CHL1: variants seen among roughly 807,000 people sequenced by gnomAD.
CHL1 encodes the protein cell adhesion molecule L1 like, also known as neural cell adhesion molecule L1-like protein.
In CHL1, 96 loss-of-function variants were observed where a neutral mutation model predicts 141.9. The observed-to-expected ratio is 0.68, with a 90% CI of 0.57 to 0.80. The LOEUF is 0.80. Ranked by LOEUF, CHL1 falls within the 30% of genes least tolerant of loss-of-function variation. The pLI is 0.00. For missense variants in CHL1, 1,820 were observed against 1,457.2 expected, an observed-to-expected ratio of 1.25 and a Z score of -4.05; for synonymous variants, 613 against 502.2, an observed-to-expected ratio of 1.22 and a Z score of -2.95.
chr3:309,715 A>G (rs879745819), intron 2 of CHL1, among the ~76,000 whole-genome samples: 15 of 151,972 alleles, frequency 9.9e-5, no homozygotes, highest in African/African-American at 1.7e-4. Flanking sequence ...GGGCCTCACT[A>G]TGTTGCCCAA....
intron 2 of CHL1, among the ~76,000 whole-genome samples, chr3:252,363 T>G (rs1275476351): frequency 1.0e-5 from 1 of 100,414 alleles, no homozygotes; most frequent in Admixed American, 9.5e-5. Context: ...AGCATCCAGA[T>G]ATATATATAT....
chr3:360,485 T>C (rs1704128607), intron 12 of CHL1, 61 bp downstream of exon 12: 6 of 1,533,116 alleles, frequency 3.9e-6, no homozygotes, highest in Non-Finnish European at 5.4e-6. Context: ...GTCAAGGTCA[T>C]GTTCAGAAGT....
chr3:354,382 T>G (rs934458364), intron 10 of CHL1, among the ~76,000 whole-genome samples: 2 of 151,986 alleles, frequency 1.3e-5, no homozygotes, highest in Non-Finnish European at 1.5e-5. Context: ...TGTATATAAC[T>G]ATTTTCAGTA....
chr3:376,679 T>C (rs899275970), intron 15 of CHL1, among the ~76,000 whole-genome samples: 1 of 152,232 alleles, frequency 6.6e-6, no homozygotes, highest in South Asian at 2.1e-4. Context: ...TAAAGTATAT[T>C]CTTTCATCTA....
At chr3:337,577 T>C (rs1702001629) in intron 5 of CHL1, among the ~76,000 whole-genome samples, 1 of 150,182 alleles carries the variant, frequency 6.7e-6, no homozygotes, top group Non-Finnish European at 1.5e-5. Flanking sequence ...CCAAGTGTTC[T>C]CATTGTTCAA....
chr3:280,628 C>T (rs1014064520), intron 2 of CHL1, among the ~76,000 whole-genome samples: 1 of 152,102 alleles, frequency 6.6e-6, no homozygotes, highest in Non-Finnish European at 1.5e-5. Flanking sequence ...AGATGTTCAA[C>T]GATGGTCACA....
chr3:306,319 C>T (rs1391909), intron 2 of CHL1, among the ~76,000 whole-genome samples: 1 of 151,932 alleles, frequency 6.6e-6, no homozygotes, highest in Non-Finnish European at 1.5e-5. Context: ...GAATAGAATA[C>T]GTTTGCTTTT....
At chr3:343,096 T>C in intron 8 of CHL1, 65 bp downstream of exon 8, 2 of 1,320,236 alleles carry the variant, frequency 1.5e-6, no homozygotes, top group Admixed American at 2.4e-5. Flanking sequence ...AGATTTTGAA[T>C]TTTTTCTTTA....
chr3:290,688 C>A (rs1437852768), intron 2 of CHL1, among the ~76,000 whole-genome samples: 1 of 152,118 alleles, frequency 6.6e-6, no homozygotes, highest in Non-Finnish European at 1.5e-5. Flanking sequence ...AATGCATAAA[C>A]CCCTTTCCTC....
rs1317312649 is a variant in CHL1 at position 341,924 on chromosome 3, T to A, written c.521T>A (p.Ile174Asn). The A allele has an allele frequency of 1.2e-6, 2 of 1,604,820 alleles. No individual in the cohort carries two copies. The highest frequency in any genetic ancestry group is 1.7e-5 in the Admixed American group (1 of 59,668). ...TATCTCTTTTCAGAATTAGAACACA[T>A]CGAACAAGATGAAAGAGTATACATG... Reference protein sequence around the residue: ...IYWMNIELEHIEQDERVYMSQ... With the variant: ...IYWMNIELEHNEQDERVYMSQ... Residue 174 changes from isoleucine (I) to asparagine (N), a missense_variant, in exon 7 of 28, where the codon ATC (isoleucine) becomes AAC (asparagine). Ile to Asn is a moderately radical substitution (Grantham distance 149). Transcript: ENST00000256509.
intron 15 of CHL1, among the ~76,000 whole-genome samples, chr3:371,432 G>A (rs1033392399): frequency 6.6e-6 from 1 of 152,084 alleles, no homozygotes; most frequent in African/African-American, 2.4e-5. Flanking sequence ...TGCAATCCCT[G>A]CTTTGTTTTG....
chr3:401,575 T>C, intron 26 of CHL1, 51 bp from the exon 27 acceptor site: 10 of 1,058,862 alleles, frequency 9.4e-6, no homozygotes, highest in Non-Finnish European at 1.0e-5. Context: ...TGGTAAAATG[T>C]CTTTTAAATG....
At chr3:368,709 G>A (rs760630208) in intron 15 of CHL1, among the ~76,000 whole-genome samples, 1 of 151,986 alleles carries the variant, frequency 6.6e-6, no homozygotes, top group Non-Finnish European at 1.5e-5. Context: ...TTTCTTCTAG[G>A]GTTTTTAATG....
chr3:388,404 G>T (rs1002157095), intron 19 of CHL1, among the ~76,000 whole-genome samples: 1 of 151,950 alleles, frequency 6.6e-6, no homozygotes, highest in African/African-American at 2.4e-5. Flanking sequence ...AAAATTAGCC[G>T]GGCGTGGTGG....
At chr3:382,152 T>G (rs746005337) in intron 16 of CHL1, 27 bp from the exon 17 acceptor site, 1 of 1,578,630 alleles carries the variant, frequency 6.3e-7, no homozygotes, top group Non-Finnish European at 8.7e-7. Flanking sequence ...GGCAATTATC[T>G]ACATTTTCCC....
At chr3:401,861 C>T (rs1467839245) in intron 27 of CHL1, among the ~76,000 whole-genome samples, 163 bp downstream of exon 27, 1 of 152,188 alleles carries the variant, frequency 6.6e-6, no homozygotes, top group Admixed American at 6.5e-5. Flanking sequence ...GTGCTAGCAA[C>T]CAAATTTCTG....
chr3:341,067 T>G (rs1210814463), intron 6 of CHL1, 151 bp downstream of exon 6: 15 of 821,896 alleles, frequency 1.8e-5, no homozygotes, highest in Middle Eastern at 3.3e-4. Context: ...TGATAAGATT[T>G]GTCTGTGAAG....
intron 25 of CHL1, 114 bp downstream of exon 25, chr3:398,499 A>C: frequency 1.7e-6 from 1 of 584,912 alleles, no homozygotes; most frequent in Non-Finnish European, 2.9e-6. Context: ...TTAATTATGA[A>C]AATCGTAATT....
At chr3:287,385 T>C (rs1186903692) in intron 2 of CHL1, among the ~76,000 whole-genome samples, 1 of 152,174 alleles carries the variant, frequency 6.6e-6, no homozygotes, top group Non-Finnish European at 1.5e-5. Context: ...AAACCGTAAT[T>C]GCCACCTGAT....
Sources: allele counts gnomAD v4.1 joint callset (sites outside exome capture counted in the v4.1 genomes callset), GRCh38; gene constraint gnomAD v4.1.1; transcripts MANE v1.5; gene names NCBI Gene and HGNC (gene_info 2026-07-23, HGNC 2026-07-21).